The following PSG2 variants were observed in gnomAD, a reference collection of about 807,000 sequenced individuals.
The protein encoded by PSG2 is pregnancy specific beta-1-glycoprotein 2, also known as pregnancy-specific beta-1-glycoprotein 2.
PSG2 carries 49 observed loss-of-function variants against 36.2 expected under a neutral mutation model. The ratio of observed to expected loss-of-function variants is 1.35; its 90% CI spans 1.08 to 1.72. PSG2 has a LOEUF of 1.72. Ranked by LOEUF, PSG2 falls within the 40% of genes most tolerant of loss-of-function variation. The pLI is 0.00. For missense variants in PSG2, 605 were observed against 407.2 expected (o/e 1.49, Z -4.18); for synonymous variants, 261 against 155.6 (o/e 1.68, Z -5.04).
In PSG2 at chr19:43,064,597, A is replaced by C. The variant is rs1431095463; in HGVS notation, c.*45T>G. The C allele has an allele frequency of 4.6e-6, 3 of 659,216 alleles. No individual in the cohort carries two copies. In the Admixed American group the frequency reaches 6.5e-5, roughly 14 times the overall value. The allele number at this position is 659,216 out of a possible 1,614,324, so 40.8% of individuals were successfully genotyped here. A position where few individuals can be genotyped will look rare whatever the true frequency, so the allele number is the denominator to read the frequency against. ...GTCCTTGTAAGAGACCTTTCCATAA[A>C]TCTCCTTGAAGAAAAAGCAATTTTG... On this transcript the variant is annotated 3_prime_UTR_variant, in exon 6 of 6. Coordinates refer to ENST00000406487, the MANE Select transcript of PSG2 (RefSeq NM_031246.4).
rs556368515 is a variant in PSG2, at chr19:43,067,607, C to T, written c.965-1007G>A. Among the ~76,000 whole-genome samples the T allele has an allele frequency of 1.1e-4, 16 of 151,398 alleles. No homozygotes were observed. The South Asian group carries it at 2.9e-3, about 28-fold the overall frequency. ...TGGCAATGAAAAGACAGAAGCTTAGCGTGGTGTAAAAACTTTCCTGGTGTC... is the reference window on the plus strand; with the variant it reads ...TGGCAATGAAAAGACAGAAGCTTAGTGTGGTGTAAAAACTTTCCTGGTGTC... On this transcript the variant is annotated intron_variant, in intron 4 of 5. Transcript: ENST00000406487.
At chr19:43,069,830 G>T (rs773628316) in intron 4 of PSG2, among the ~76,000 whole-genome samples, 2 of 151,554 alleles carry the variant, frequency 1.3e-5, no homozygotes, top group African/African-American at 2.4e-5. Context: ...AAATAAAACG[G>T]ATAAATCGGA....
intron 2 of PSG2, among the ~76,000 whole-genome samples, chr19:43,076,190 A>G (rs954586934): frequency 7.3e-5 from 11 of 151,712 alleles, no homozygotes; most frequent in Non-Finnish European, 1.2e-4. Context: ...AGGTCAGTTC[A>G]GTCATCAGGC....
intron 3 of PSG2, among the ~76,000 whole-genome samples, chr19:43,073,460 T>A (rs1967847910): frequency 6.6e-6 from 1 of 151,278 alleles, no homozygotes; most frequent in East Asian, 1.9e-4. Flanking sequence ...CAGAACTGAC[T>A]GGTGGAAAGG....
At chr19:43,078,792 T>G (rs60480874) in intron 2 of PSG2, among the ~76,000 whole-genome samples, 2,588 of 151,704 alleles carry the variant, frequency 0.017, 106 homozygotes, top group East Asian at 0.095. Flanking sequence ...AATAATTTTT[T>G]TGTGTGTGTG....
In PSG2 at chr19:43,071,785, T is replaced by C. The variant is rs1206744271; in HGVS notation, c.879A>G (p.Thr293=). ...GQNLFIPQIT[T]KHSGLYVCSV... is the part of the protein sequence containing the mutation. ...AGCAAACATAGAGCCCGCTATGCTT[T>C]GTAGTAATTTGGGGGATAAACAGAT... The change falls in exon 4 of 6, where the codon ACA becomes ACG. Residue 293 remains threonine (T), a synonymous_variant. Transcript: ENST00000406487. 2 of 1,612,554 alleles carry C rather than the reference T, an allele frequency of 1.2e-6. No individual in the cohort carries two copies. Among genetic ancestry groups the C allele is most frequent in the African/African-American group, 2.7e-5 (2 of 74,392 alleles).
intron 2 of PSG2, among the ~76,000 whole-genome samples, chr19:43,076,064 A>G (rs904807903): frequency 3.3e-5 from 5 of 151,684 alleles, no homozygotes; most frequent in Admixed American, 6.6e-5. Flanking sequence ...AAGGACATCC[A>G]AGAGATGAAT....
At chr19:43,065,292 G>T (rs1300874812) in intron 5 of PSG2, among the ~76,000 whole-genome samples, 2 of 151,444 alleles carry the variant, frequency 1.3e-5, no homozygotes, top group African/African-American at 4.9e-5. Context: ...CTGAGTTCTT[G>T]GTGTAGCCCA....
At position 43,068,463 on chromosome 19, in the gene PSG2, AAAAAAAG is replaced by A. The variant is rs1332725060; in HGVS notation, c.965-1870_965-1864del. ...TGTCTCTCTCTTTTCAACAAAAAAAAAAAAAAGAAAGAAAGAAAGAAAGAAAGAAAAA... is the reference window on the plus strand; with the variant it reads ...TGTCTCTCTCTTTTCAACAAAAAAAAAAAGAAAGAAAGAAAGAAAGAAAAA... On this transcript the variant is annotated intron_variant, in intron 4 of 5. Coordinates refer to ENST00000406487, the MANE Select transcript of PSG2 (RefSeq NM_031246.4). 4.8e-3 allele frequency among the ~76,000 whole-genome samples: 695 copies of A among 143,506 alleles called. 16 individuals are homozygous for A. Among genetic ancestry groups the A allele is most frequent in the African/African-American group, 0.019 (671 of 34,836 alleles). 94.1% of individuals were successfully genotyped at this position (143,506 alleles called of 152,430 possible).
intron 5 of PSG2, among the ~76,000 whole-genome samples, 156 bp downstream of exon 5, chr19:43,066,361 G>A (rs1967739146): frequency 6.6e-6 from 1 of 151,602 alleles, no homozygotes; most frequent in Admixed American, 6.6e-5. Context: ...TAAAGGCCAG[G>A]GAGAAAGGGA....
chr19:43,065,543 G>A (rs1413041871), intron 5 of PSG2: 12 of 151,594 alleles, frequency 7.9e-5, no homozygotes, highest in Admixed American at 2.0e-4. Flanking sequence ...TCCACTTTTA[G>A]AAATGTTTTC....
intron 1 of PSG2, 107 bp downstream of exon 1, chr19:43,082,399 C>G: frequency 6.6e-7 from 1 of 1,522,622 alleles, no homozygotes; most frequent in South Asian, 1.1e-5. Flanking sequence ...CTCAGCCTCC[C>G]TAAGTGCTGG....
At chr19:43,080,034 T>G in intron 2 of PSG2, among the ~76,000 whole-genome samples, 1 of 151,752 alleles carries the variant, frequency 6.6e-6, no homozygotes, top group South Asian at 2.1e-4. Flanking sequence ...AATGTTAAAG[T>G]ATTCACAGTC....
Position 43,075,384 on chromosome 19 carries a change from G to T in PSG2, c.679C>A (p.Arg227Ser). The T allele has an allele frequency of 1.2e-6, 2 of 1,613,128 alleles. No individual in the cohort carries two copies. Among genetic ancestry groups the T allele is most frequent in the Non-Finnish European group, 1.7e-6 (2 of 1,179,648 alleles). The change falls in exon 3 of 6, where the codon CGC (arginine) becomes AGC (serine). Residue 227 changes from arginine to serine, a missense_variant. Transcript: ENST00000406487. ...CEIRNSGSAS[R>S]SDPVTLNLLH... ...AGATTCAGGGTGACTGGGTCACTGC[G>T]GCTGGCACTCCCTGAGTTCCGTATT...
intron 3 of PSG2, among the ~76,000 whole-genome samples, chr19:43,073,123 G>A: frequency 6.6e-6 from 1 of 151,798 alleles, no homozygotes; most frequent in African/African-American, 2.4e-5. Context: ...GAGCAGCCTG[G>A]CCTGGGACTG....
At chr19:43,072,102 G>T in intron 3 of PSG2, 148 bp from the exon 4 acceptor site, 1 of 1,384,890 alleles carries the variant, frequency 7.2e-7, no homozygotes, top group Non-Finnish European at 9.8e-7. Context: ...GCCGAACCCT[G>T]AAGTATTCAC....
rs1444816820 is a variant in PSG2 at position 43,075,649 on chromosome 19, G to C, written c.431-17C>G. 17 of 1,606,646 alleles carry C rather than the reference G, an allele frequency of 1.1e-5. No homozygotes were observed. The highest frequency in any genetic ancestry group is 1.4e-5 in the Non-Finnish European group (17 of 1,176,320). ...GAGTCTCCACTGTGCAGAAAACAGAGAGAAGATTGCCCTGTGTGGCACCTT... is the reference window on the plus strand; with the variant it reads ...GAGTCTCCACTGTGCAGAAAACAGACAGAAGATTGCCCTGTGTGGCACCTT... On this transcript the variant is annotated splice_polypyrimidine_tract_variant and intron_variant, in intron 2 of 5. Transcript: ENST00000406487.
At chr19:43,082,373 C>T (rs571957237) in intron 1 of PSG2, 133 bp downstream of exon 1, 8 of 1,396,938 alleles carry the variant, frequency 5.7e-6, no homozygotes, top group Admixed American at 3.6e-5. Flanking sequence ...AACTCCTGAT[C>T]TCGTGATCCA....
At chr19:43,069,172 T>C (rs901201270) in intron 4 of PSG2, among the ~76,000 whole-genome samples, 2 of 151,692 alleles carry the variant, frequency 1.3e-5, no homozygotes, top group Non-Finnish European at 2.9e-5. Flanking sequence ...GAAATGATTA[T>C]ACCTGAAATC....
Sources: gnomAD v4.1 joint callset for allele counts (sites outside exome capture counted in the v4.1 genomes callset) on GRCh38, gnomAD v4.1.1 for gene constraint, MANE v1.5 for transcripts, NCBI Gene and HGNC (gene_info 2026-07-23, HGNC 2026-07-21) for gene names.